Variants in SLC6A5 observed in about 807,000 individuals in gnomAD.
The protein encoded by SLC6A5 is solute carrier family 6 member 5.
Under a neutral mutation model 90.5 loss-of-function variants are expected in SLC6A5, and 58 were observed. That is an observed-to-expected ratio of 0.64 (90% CI 0.52 to 0.80). The LOEUF (loss-of-function observed/expected upper bound fraction) is 0.80, where lower values mean the gene tolerates loss of function less well. Ranked by LOEUF, SLC6A5 falls within the 30% of genes least tolerant of loss-of-function variation. The pLI is 0.00. For missense variants in SLC6A5, 1,015 were observed against 1,017.6 expected, an observed-to-expected ratio of 1.00 and a Z score of 0.03; for synonymous variants, 427 against 401.4, an observed-to-expected ratio of 1.06 and a Z score of -0.76.
intron 2 of SLC6A5, among the ~76,000 whole-genome samples, chr11:20,602,134 C>G (rs1852492595): frequency 6.6e-6 from 1 of 152,196 alleles, no homozygotes; most frequent in Non-Finnish European, 1.5e-5. Flanking sequence ...TTTACACTGC[C>G]AGTTACCTTT....
intron 2 of SLC6A5, among the ~76,000 whole-genome samples, chr11:20,603,525 A>C (rs1184440822): frequency 6.6e-6 from 1 of 152,254 alleles, no homozygotes; most frequent in Non-Finnish European, 1.5e-5. Flanking sequence ...GGGGTTATCC[A>C]GCTGGTTAGT....
At chr11:20,611,944 A>G (rs1852702042) in intron 5 of SLC6A5, among the ~76,000 whole-genome samples, 1 of 150,280 alleles carries the variant, frequency 6.7e-6, no homozygotes, top group Admixed American at 6.6e-5. Flanking sequence ...CTCTTCTCTT[A>G]ATTAAACCTC....
intron 8 of SLC6A5, 53 bp from the exon 9 acceptor site, chr11:20,627,927 C>A: frequency 3.6e-6 from 5 of 1,392,978 alleles, no homozygotes; most frequent in Non-Finnish European, 5.1e-6. Context: ...CTCCTCTCCC[C>A]TGGCGCCAGT....
At chr11:20,603,685 A>G (rs1852520565) in intron 2 of SLC6A5, among the ~76,000 whole-genome samples, 1 of 152,184 alleles carries the variant, frequency 6.6e-6, no homozygotes. Flanking sequence ...GCCTTCTTAA[A>G]TTAGTTGACC....
chr11:20,646,776 A>T, intron 13 of SLC6A5, 58 bp from the exon 14 acceptor site: 1 of 1,236,044 alleles, frequency 8.1e-7, no homozygotes, highest in Non-Finnish European at 1.2e-6. Context: ...CTGCCCTGCC[A>T]CCACCTCACC....
intron 13 of SLC6A5, among the ~76,000 whole-genome samples, chr11:20,641,577 C>T (rs1590177787): frequency 6.6e-6 from 1 of 152,076 alleles, no homozygotes; most frequent in African/African-American, 2.4e-5. Flanking sequence ...CTCTGTGAGC[C>T]CCCTCCCTGA....
intron 10 of SLC6A5, among the ~76,000 whole-genome samples, chr11:20,634,020 C>A (rs927357550): frequency 6.6e-6 from 1 of 151,996 alleles, no homozygotes; most frequent in East Asian, 1.9e-4. Flanking sequence ...TACAGGCGCC[C>A]CCCACTACGC....
chr11:20,639,649 G>A (rs1041352128), intron 13 of SLC6A5, among the ~76,000 whole-genome samples: 6 of 152,162 alleles, frequency 3.9e-5, no homozygotes, highest in Admixed American at 2.6e-4. Flanking sequence ...AGCCTCCACC[G>A]AAGAGGTGCT....
At chr11:20,632,926 G>C (rs1853134988) in intron 10 of SLC6A5, among the ~76,000 whole-genome samples, 1 of 152,140 alleles carries the variant, frequency 6.6e-6, no homozygotes, top group Non-Finnish European at 1.5e-5. Flanking sequence ...TCTAAAAGAG[G>C]CATTTCTACC....
intron 4 of SLC6A5, 72 bp downstream of exon 4, chr11:20,607,210 A>G: frequency 6.5e-7 from 1 of 1,547,554 alleles, no homozygotes; most frequent in Non-Finnish European, 8.8e-7. Context: ...ATGCAGCCCC[A>G]GGGAGGGAGA....
At chr11:20,610,105 C>G (rs763447742) in intron 5 of SLC6A5, among the ~76,000 whole-genome samples, 4 of 152,238 alleles carry the variant, frequency 2.6e-5, no homozygotes, top group Non-Finnish European at 4.4e-5. Context: ...TCTCCCTGGT[C>G]TTTCATGTGC....
At chr11:20,618,177 T>A (rs1852820595) in intron 7 of SLC6A5, among the ~76,000 whole-genome samples, 1 of 152,172 alleles carries the variant, frequency 6.6e-6, no homozygotes, top group South Asian at 2.1e-4. Flanking sequence ...GGGCTGCCAC[T>A]CATTCAGCAG....
At chr11:20,605,469 C>A (rs1852561145) in intron 3 of SLC6A5, among the ~76,000 whole-genome samples, 2 of 152,320 alleles carry the variant, frequency 1.3e-5, no homozygotes, top group African/African-American at 4.8e-5. Flanking sequence ...GACCTCAGAG[C>A]ATTTGCCATC....
intron 3 of SLC6A5, among the ~76,000 whole-genome samples, chr11:20,606,635 C>T (rs1639978170): frequency 6.6e-6 from 1 of 152,000 alleles, no homozygotes; most frequent in South Asian, 2.1e-4. Flanking sequence ...ATTTCACCAA[C>T]CTGAATCCAG....
At chr11:20,645,427 G>A (rs1169281943) in intron 13 of SLC6A5, among the ~76,000 whole-genome samples, 2 of 152,048 alleles carry the variant, frequency 1.3e-5, no homozygotes, top group Admixed American at 1.3e-4. Flanking sequence ...GAATTCACCT[G>A]CTCTGGTGGA....
intron 10 of SLC6A5, among the ~76,000 whole-genome samples, chr11:20,633,140 C>T (rs1277410306): frequency 1.3e-5 from 2 of 152,014 alleles, no homozygotes; most frequent in East Asian, 1.9e-4. Flanking sequence ...ACCTATGGAG[C>T]GGTGACTCAT....
At chr11:20,635,106 C>T (rs961315412) in intron 10 of SLC6A5, among the ~76,000 whole-genome samples, 4 of 151,936 alleles carry the variant, frequency 2.6e-5, no homozygotes, top group Non-Finnish European at 5.9e-5. Flanking sequence ...GAATCAGAAC[C>T]GCTAACTTCC....
rs778337920 is a variant in SLC6A5 at position 20,601,693 on chromosome 11, A to T, written c.540+28A>T. On this transcript the variant is annotated intron_variant, in intron 2 of 15. Transcript: ENST00000525748. ...AAGCAGGTTGCATTACGGCCCGCAC[A>T]GTGTCCTGCTCTCCAGCTGCGCGAG... 3.1e-5 allele frequency: 50 copies of T among 1,604,550 alleles called. No individual in the cohort carries two copies. The South Asian group carries it at 5.1e-4, about 16-fold the overall frequency.
Position 20,637,263 on chromosome 11 carries a change from G to C in SLC6A5, c.1829G>C (p.Cys610Ser). 6.2e-7 allele frequency: 1 copy of C among 1,613,346 alleles called. No individual in the cohort carries two copies. Among genetic ancestry groups the C allele is most frequent in the Non-Finnish European group, 8.5e-7 (1 of 1,179,616 alleles). Residue 610 changes from cysteine (C) to serine (S), a missense_variant, in exon 12 of 16, where the codon TGC (cysteine) becomes TCC (serine). By Grantham distance (112) the Cys-to-Ser change is moderately radical (BLOSUM62 -1). Around this residue, in one of 3 missense-constraint regions of SLC6A5, gnomAD observed 442 missense variants for 494.3 expected, o/e 0.89. Transcript: ENST00000525748. ...AAGCCAGTGTTTACTCTGGGCTGCT[G>C]CATTTGTTTCTTCATCATGGGTTTT... ...THKPVFTLGC[C>S]ICFFIMGFPM...
Sources: gnomAD v4.1 joint callset for allele counts (sites outside exome capture counted in the v4.1 genomes callset) on GRCh38, gnomAD v4.1.1 for gene constraint, gnomAD v4.1.1 regional missense constraint, MANE v1.5 for transcripts, NCBI Gene and HGNC (gene_info 2026-07-23, HGNC 2026-07-21) for gene names.